Variants in BLVRB observed in about 807,000 individuals in gnomAD.
BLVRB encodes flavin reductase (NADPH).
A neutral mutation model predicts 21.1 loss-of-function variants in BLVRB; 25 were observed. The observed-to-expected ratio is 1.19, with a 90% CI of 0.86 to 1.66. The LOEUF is 1.66. Among genes scored for constraint, BLVRB ranks in the 40% most tolerant of loss-of-function variants. The pLI, the probability that BLVRB is intolerant of heterozygous loss-of-function variation, is 0.00. For synonymous variants in BLVRB, 128 were observed against 122.2 expected, an observed-to-expected ratio of 1.05 and a Z score of -0.31; for missense variants, 274 against 282.7, an observed-to-expected ratio of 0.97 and a Z score of 0.22.
intron 3 of BLVRB, among the ~76,000 whole-genome samples, chr19:40,454,633 C>G (rs1323406326): frequency 6.6e-6 from 1 of 151,872 alleles, no homozygotes; most frequent in Non-Finnish European, 1.5e-5. Context: ...GCAAGCTCCT[C>G]CTCCCGGGTT....
chr19:40,453,442 C>G (rs981821665), intron 3 of BLVRB, among the ~76,000 whole-genome samples: 1 of 152,166 alleles, frequency 6.6e-6, no homozygotes, highest in Admixed American at 6.6e-5. Flanking sequence ...GCTCCAATCC[C>G]AGCCCTTAGA....
At chr19:40,450,743 TGCCCAGGCTGGTCTCAAAC>T (rs1417268552) in intron 4 of BLVRB, among the ~76,000 whole-genome samples, 3 of 151,464 alleles carry the variant, frequency 2.0e-5, no homozygotes, top group Non-Finnish European at 4.4e-5. Flanking sequence ...AAGTCTATGT[TGCCCAGGCTGGTCTCAAAC>T]TCCTGGGCTG....
chr19:40,449,926 G>A (rs543472460), intron 4 of BLVRB, among the ~76,000 whole-genome samples: 85 of 152,204 alleles, frequency 5.6e-4, no homozygotes, highest in Admixed American at 9.2e-4. Context: ...TTGGCTGGGC[G>A]TGGTGGCTCA....
chr19:40,462,191 C>T (rs2079790485), intron 1 of BLVRB, among the ~76,000 whole-genome samples: 1 of 152,146 alleles, frequency 6.6e-6, no homozygotes, highest in Admixed American at 6.6e-5. Flanking sequence ...TGCTATGTGA[C>T]CACCTTTCAT....
chr19:40,453,894 AGG>A (rs2079751062), intron 3 of BLVRB, among the ~76,000 whole-genome samples: 1 of 152,126 alleles, frequency 6.6e-6, no homozygotes, highest in Non-Finnish European at 1.5e-5. Context: ...CTGAGGCGAG[AGG>A]ATCGCTTGAG....
chr19:40,459,812 C>G (rs550999543), intron 1 of BLVRB, among the ~76,000 whole-genome samples: 87 of 152,188 alleles, frequency 5.7e-4, no homozygotes, highest in Non-Finnish European at 1.0e-3. Context: ...CTCAGGTGAT[C>G]CACCCACCTT....
intron 1 of BLVRB, among the ~76,000 whole-genome samples, chr19:40,464,980 T>C (rs2079804322): frequency 6.6e-6 from 1 of 152,126 alleles, no homozygotes; most frequent in Non-Finnish European, 1.5e-5. Flanking sequence ...TCAGCCCTCA[T>C]TGACTTTCCC....
At chr19:40,460,247 C>CATATATATATATATAT (rs57153004) in intron 1 of BLVRB, among the ~76,000 whole-genome samples, 26 of 121,132 alleles carry the variant, frequency 2.1e-4, no homozygotes, top group African/African-American at 7.1e-4. Flanking sequence ...GTAATAGCAA[C>CATATATATATATATAT]ATATATATAT....
chr19:40,449,529 A>G (rs1028929491), intron 4 of BLVRB, among the ~76,000 whole-genome samples: 1 of 152,138 alleles, frequency 6.6e-6, no homozygotes, highest in Non-Finnish European at 1.5e-5. Flanking sequence ...TACAGATGTG[A>G]GCCACCACGC....
intron 3 of BLVRB, among the ~76,000 whole-genome samples, chr19:40,452,548 C>T (rs1225142044): frequency 6.6e-6 from 1 of 151,464 alleles, no homozygotes; most frequent in African/African-American, 2.4e-5. Flanking sequence ...TGGCATGATA[C>T]CGGCCAAGCC....
intron 3 of BLVRB, 66 bp from the exon 4 acceptor site, chr19:40,451,558 G>C (rs2079740260): frequency 6.2e-6 from 9 of 1,443,368 alleles, no homozygotes; most frequent in African/African-American, 2.9e-5. Flanking sequence ...TTTTGAGACA[G>C]AGTGTCGCTT....
intron 3 of BLVRB, among the ~76,000 whole-genome samples, chr19:40,455,127 G>A (rs534797077): frequency 2.6e-5 from 4 of 152,216 alleles, no homozygotes; most frequent in South Asian, 4.1e-4. Context: ...GATTACAGGC[G>A]TGAGCCACTG....
Position 40,447,796 on chromosome 19 carries a change from A to G in BLVRB, c.*93T>C. ...GAAGAGTCACACAGTCGGTTTCTCT[A>G]GAGTAATTTGAAGCTCTTGGCTCAA... On this transcript the variant is annotated 3_prime_UTR_variant, in exon 5 of 5. Transcript: ENST00000263368. 7.0e-7 allele frequency: 1 copy of G among 1,425,274 alleles called. No homozygotes were observed. The highest frequency in any genetic ancestry group is 9.6e-7 in the Non-Finnish European group (1 of 1,043,922). 88.3% of individuals were successfully genotyped at this position (1,425,274 alleles called of 1,614,324 possible). A position where few individuals can be genotyped will look rare whatever the true frequency, so the allele number is the denominator to read the frequency against.
At chr19:40,464,589 CTCTT>C (rs1034112784) in intron 1 of BLVRB, among the ~76,000 whole-genome samples, 1 of 152,200 alleles carries the variant, frequency 6.6e-6, no homozygotes, top group Non-Finnish European at 1.5e-5. Context: ...CAACTTCTCT[CTCTT>C]ACTTCCTTCT....
chr19:40,459,289 G>A (rs540059027), intron 1 of BLVRB, among the ~76,000 whole-genome samples: 1 of 116,232 alleles, frequency 8.6e-6, no homozygotes, highest in Admixed American at 1.1e-4. Context: ...GATTGCACCA[G>A]TGCACTCCAG....
intron 2 of BLVRB, 56 bp from the exon 3 acceptor site, chr19:40,458,300 G>T: frequency 6.9e-7 from 1 of 1,452,782 alleles, no homozygotes; most frequent in Non-Finnish European, 9.4e-7. Context: ...GGCAGGGGTG[G>T]CAGGGGCGGG....
chr19:40,449,533 A>ACCTGTAATC (rs2079729771), intron 4 of BLVRB, among the ~76,000 whole-genome samples: 2 of 152,168 alleles, frequency 1.3e-5, no homozygotes, highest in African/African-American at 4.8e-5. Context: ...GATGTGAGCC[A>ACCTGTAATC]CCACGCTGGC....
At chr19:40,449,860 T>G (rs2145776307) in intron 4 of BLVRB, among the ~76,000 whole-genome samples, 1 of 152,298 alleles carries the variant, frequency 6.6e-6, no homozygotes, top group East Asian at 1.9e-4. Context: ...AGGGCTTATG[T>G]GTATTCATAA....
intron 4 of BLVRB, among the ~76,000 whole-genome samples, chr19:40,448,824 G>A (rs977431217): frequency 6.6e-6 from 1 of 151,904 alleles, no homozygotes; most frequent in Non-Finnish European, 1.5e-5. Flanking sequence ...GGGCACAGTG[G>A]CTCACGCCTG....
Sources: allele counts gnomAD v4.1 joint callset (sites outside exome capture counted in the v4.1 genomes callset), GRCh38; gene constraint gnomAD v4.1.1; transcripts MANE v1.5; gene names NCBI Gene and HGNC (gene_info 2026-07-23, HGNC 2026-07-21).